Variants in SERPINA5 observed in about 807,000 individuals in gnomAD.
SERPINA5 encodes the protein serpin family A member 5.
In SERPINA5, 25 loss-of-function variants were observed where a neutral mutation model predicts 25.3. That is an observed-to-expected ratio of 0.99 (90% CI 0.72 to 1.38). SERPINA5 has a LOEUF of 1.38. Among genes scored for constraint, SERPINA5 ranks in the 40% most tolerant of loss-of-function variants. The pLI is 0.00. For synonymous variants in SERPINA5, 234 were observed against 206.2 expected, an observed-to-expected ratio of 1.14 and a Z score of -1.16; for missense variants, 599 against 509.5, an observed-to-expected ratio of 1.18 and a Z score of -1.69.
intron 2 of SERPINA5, among the ~76,000 whole-genome samples, chr14:94,583,553 G>T (rs1223689419): frequency 1.3e-5 from 2 of 152,172 alleles, no homozygotes; most frequent in Non-Finnish European, 2.9e-5. Flanking sequence ...TGGACAGACC[G>T]TCCTCACTAA....
rs141064706 is a variant in SERPINA5, at chr14:94,590,246, G to A, written c.825G>A (p.Met275Ile). The A allele has an allele frequency of 2.3e-4, 364 of 1,613,652 alleles. No homozygotes were observed. In the African/African-American group the frequency reaches 4.4e-3, roughly 19 times the overall value. The change falls in exon 4 of 6, where the codon ATG (methionine) becomes ATA (isoleucine). Residue 275 changes from methionine to isoleucine, a missense_variant. Coordinates refer to ENST00000329597, the MANE Select transcript of SERPINA5 (RefSeq NM_000624.6). ...ALFILPSEGKMQQVENGLSEK... is the reference protein window; with the variant it reads ...ALFILPSEGKIQQVENGLSEK... Reference sequence around the variant, plus strand: ...TCATTCTCCCCAGTGAGGGAAAGATGCAGCAGGTGGAGAATGGACTGAGTG... The same window carrying A: ...TCATTCTCCCCAGTGAGGGAAAGATACAGCAGGTGGAGAATGGACTGAGTG...
rs1197872370 is a variant in SERPINA5 at position 94,589,481 on chromosome 14, GAAATA to G, written c.620-546_620-542del. Reference sequence around the variant, plus strand: ...GAAAAAAAGAAAAAAAAGAAAAAAAGAAATAAAATAAAATAAAAAGAAGTTGGAAA... The same window carrying G: ...GAAAAAAAGAAAAAAAAGAAAAAAAGAAATAAAATAAAAAGAAGTTGGAAA... On this transcript the variant is annotated intron_variant, in intron 3 of 5. Transcript: ENST00000329597. 1.3e-4 allele frequency among the ~76,000 whole-genome samples: 20 copies of G among 151,956 alleles called. No individual in the cohort carries two copies. The East Asian group carries it at 2.9e-3, about 22-fold the overall frequency.
chr14:94,585,767 G>A (rs1885058348), intron 2 of SERPINA5, among the ~76,000 whole-genome samples: 1 of 42,252 alleles, frequency 2.4e-5, no homozygotes. Context: ...GCTCACACGT[G>A]TGTGTGTGTG....
chr14:94,586,706 CT>C (rs1885096976), intron 2 of SERPINA5: 1 of 152,146 alleles, frequency 6.6e-6, no homozygotes. Context: ...GGCAGAATTC[CT>C]TTAGGAGGGG....
chr14:94,587,848 T>C lies in SERPINA5; in HGVS notation c.486T>C (p.Phe162=), dbSNP rs145935727. 2.5e-6 allele frequency: 4 copies of C among 1,613,822 alleles called. No individual in the cohort carries two copies. The African/African-American group carries it at 4.0e-5, about 16-fold the overall frequency. ...LYLADTFPTN[F]RDSAGAMKQI... is the part of the protein sequence containing the mutation. The stretch of plus-strand genomic sequence containing the variant: ...TGGCAGACACTTTCCCTACCAACTT[T>C]AGGGACTCTGCAGGGGCCATGAAGC... The change falls in exon 3 of 6, where the codon TTT becomes TTC. Residue 162 remains phenylalanine (F), a synonymous_variant. Coordinates refer to ENST00000329597, the MANE Select transcript of SERPINA5 (RefSeq NM_000624.6).
intron 3 of SERPINA5, among the ~76,000 whole-genome samples, chr14:94,588,237 G>T (rs1283552525): frequency 6.6e-6 from 1 of 152,110 alleles, no homozygotes; most frequent in Non-Finnish European, 1.5e-5. Flanking sequence ...GGCCCCTGGG[G>T]ACATCTGAAG....
intron 4 of SERPINA5, 177 bp from the exon 5 acceptor site, chr14:94,590,572 G>A: frequency 2.4e-6 from 2 of 829,392 alleles, no homozygotes; most frequent in African/African-American, 1.7e-5. Context: ...CAGAGCAAGG[G>A]GAGGCTCATC....
At chr14:94,582,571 C>G (rs1200512893) in intron 2 of SERPINA5, among the ~76,000 whole-genome samples, 2 of 152,210 alleles carry the variant, frequency 1.3e-5, no homozygotes, top group African/African-American at 2.4e-5. Context: ...GAGCTCAGCT[C>G]TGGGTGGCCA....
At position 94,587,998 on chromosome 14, in the gene SERPINA5, C is replaced by T. The variant is rs754537629; in HGVS notation, c.619+17C>T. ...TCTTTAAAGGTAAGGCCCTTGGGCC[C>T]AAACCTGCACTTTCTTTGGCTTTTC... On this transcript the variant is annotated intron_variant, in intron 3 of 5. Transcript: ENST00000329597. 10 of 1,598,074 alleles carry T rather than the reference C, an allele frequency of 6.3e-6. No individual in the cohort carries two copies. The highest frequency in any genetic ancestry group is 8.5e-6 in the Non-Finnish European group (10 of 1,171,746).
rs188065699 is a variant in SERPINA5, at chr14:94,592,546, G to C, written c.*307G>C. ...CATGGTAGTGGCAAAGAGAGGTCCA[G>C]AGTCCTGGCCCTTGATGCCCAGCTC... On this transcript the variant is annotated 3_prime_UTR_variant, in exon 6 of 6. Transcript: ENST00000329597. 878 of 294,242 alleles carry C rather than the reference G, an allele frequency of 3.0e-3. 6 individuals carry two copies. The highest frequency in any genetic ancestry group is 0.018 in the African/African-American group (830 of 46,356). The allele number at this position is 294,242 out of a possible 1,614,324, so 18.2% of individuals were successfully genotyped here.
chr14:94,585,389 T>C (rs1180051231), intron 2 of SERPINA5, among the ~76,000 whole-genome samples: 5 of 151,906 alleles, frequency 3.3e-5, no homozygotes, highest in Admixed American at 3.3e-4. Context: ...CAGGACACAA[T>C]TTGGAGGCTG....
chr14:94,587,313 C>G, intron 2 of SERPINA5, 33 bp from the exon 3 acceptor site: 1 of 1,538,114 alleles, frequency 6.5e-7, no homozygotes, highest in Non-Finnish European at 8.7e-7. Context: ...ACCAGCTCCA[C>G]CCCTCTCTGA....
rs1885353974 is a variant in SERPINA5, at chr14:94,593,074, T to C, written c.*835T>C. 6.6e-6 allele frequency: 1 copy of C among 152,034 alleles called. No individual in the cohort carries two copies. Among genetic ancestry groups the C allele is most frequent in the African/African-American group, 2.4e-5 (1 of 41,446 alleles). 9.4% of individuals were successfully genotyped at this position (152,034 alleles called of 1,614,324 possible). On this transcript the variant is annotated 3_prime_UTR_variant, in exon 6 of 6. Coordinates refer to ENST00000329597, the MANE Select transcript of SERPINA5 (RefSeq NM_000624.6). ...TTGCAGGTGCCAATGACTAACTTTT[T>C]GAATTCTATGTTGGCATTAACAATA...
chr14:94,587,778 T>C lies in SERPINA5; in HGVS notation c.416T>C (p.Val139Ala), dbSNP rs143475980. The change falls in exon 3 of 6, where the codon GTA (valine) becomes GCA (alanine). Residue 139 changes from valine to alanine, a missense_variant. By Grantham distance (64) the Val-to-Ala change is moderately conservative. Coordinates refer to ENST00000329597, the MANE Select transcript of SERPINA5 (RefSeq NM_000624.6). ...AATGCCCTTTTCACCGACCTGGTGG[T>C]AGACCTGCAGGACACCTTCGTAAGT... is the stretch of plus-strand genomic sequence containing the variant. Reference protein sequence around the residue: ...LGNALFTDLVVDLQDTFVSAM... With the variant: ...LGNALFTDLVADLQDTFVSAM... The C allele has an allele frequency of 2.5e-6, 4 of 1,614,168 alleles. No homozygotes were observed. The highest frequency in any genetic ancestry group is 3.4e-6 in the Non-Finnish European group (4 of 1,180,032).
At position 94,590,816 on chromosome 14, in the gene SERPINA5, A is replaced by G; in HGVS notation, c.958A>G (p.Ser320Gly). ...CTATCAGCTGGAGAAAGTCCTCCCC[A>G]GTCTGGGGATCAGTAACGTCTTCAC... ...GSYQLEKVLP[S>G]LGISNVFTSH... The change falls in exon 5 of 6, where the codon AGT becomes GGT. Residue 320 changes from serine to glycine, a missense_variant. Coordinates refer to ENST00000329597, the MANE Select transcript of SERPINA5 (RefSeq NM_000624.6). 3 of 1,614,028 alleles carry G rather than the reference A, an allele frequency of 1.9e-6. No homozygotes were observed. The highest frequency in any genetic ancestry group is 1.7e-6 in the Non-Finnish European group (2 of 1,179,966).
chr14:94,589,205 A>T (rs1446337946), intron 3 of SERPINA5, among the ~76,000 whole-genome samples: 1 of 152,056 alleles, frequency 6.6e-6, no homozygotes, highest in African/African-American at 2.4e-5. Context: ...CCAACATTTT[A>T]GGAGGCCGAG....
chr14:94,590,393 C>CT, intron 4 of SERPINA5, 82 bp downstream of exon 4: 1 of 1,482,098 alleles, frequency 6.7e-7, no homozygotes, highest in Non-Finnish European at 9.0e-7. Flanking sequence ...CCACACAGCA[C>CT]TGGTGGGAAG....
At chr14:94,591,243 C>T (rs1234437033) in intron 5 of SERPINA5, among the ~76,000 whole-genome samples, 3 of 144,438 alleles carry the variant, frequency 2.1e-5, no homozygotes, top group Non-Finnish European at 3.0e-5. Context: ...TCCTCCACTC[C>T]ACTCATCCAC....
intron 3 of SERPINA5, among the ~76,000 whole-genome samples, chr14:94,589,465 AAAAAAAAG>A (rs1885206831): frequency 6.6e-6 from 1 of 151,602 alleles, no homozygotes; most frequent in Non-Finnish European, 1.5e-5. Context: ...AGAAAAAAAG[AAAAAAAAG>A]AAAAAAAGAA....
Sources: gnomAD v4.1 joint callset for allele counts (sites outside exome capture counted in the v4.1 genomes callset) on GRCh38, gnomAD v4.1.1 for gene constraint, MANE v1.5 for transcripts, NCBI Gene and HGNC (gene_info 2026-07-23, HGNC 2026-07-21) for gene names.